NEK11: variants seen among roughly 807,000 people sequenced by gnomAD.
NEK11 encodes NIMA related kinase 11.
NEK11 carries 72 observed loss-of-function variants against 80.7 expected under a neutral mutation model. The observed-to-expected ratio is 0.89, with a 90% CI of 0.74 to 1.08. The LOEUF is 1.08. Among genes scored for constraint, NEK11 ranks in the 50% least tolerant of loss-of-function variants. The pLI is 0.00. For synonymous variants in NEK11, 251 were observed against 260.7 expected (o/e 0.96, Z 0.36); for missense variants, 764 against 763.6 (o/e 1.00, Z -0.01).
At chr3:131,124,506 C>T (rs2082949379) in intron 5 of NEK11, among the ~76,000 whole-genome samples, 1 of 152,108 alleles carries the variant, frequency 6.6e-6, no homozygotes, top group Non-Finnish European at 1.5e-5. Context: ...CCTACACCCC[C>T]CACTTCCTTT....
chr3:131,317,800 G>C (rs114383817), intron 17 of NEK11, among the ~76,000 whole-genome samples: 2,138 of 120,404 alleles, frequency 0.018, 81 homozygotes, highest in African/African-American at 0.058. Flanking sequence ...AGGAGAGAAG[G>C]AGGAGGAGAG....
At chr3:131,049,944 TA>T (rs2068072925) in intron 3 of NEK11, among the ~76,000 whole-genome samples, 2 of 141,376 alleles carry the variant, frequency 1.4e-5, no homozygotes, top group Non-Finnish European at 3.1e-5. Context: ...ATTGGGAAAA[TA>T]AAACAGGTGT....
chr3:131,335,058 C>CA (rs1480444868), intron 17 of NEK11, among the ~76,000 whole-genome samples: 1 of 152,222 alleles, frequency 6.6e-6, no homozygotes, highest in African/African-American at 2.4e-5. Context: ...GAACTGGTGC[C>CA]ATTCCTTCTG....
At chr3:131,031,476 G>C (rs62282222) in intron 3 of NEK11, among the ~76,000 whole-genome samples, 19,609 of 152,140 alleles carry the variant, frequency 0.13, 1,571 homozygotes, top group Non-Finnish European at 0.17. Context: ...TCCAATTTTG[G>C]TTTCTTCAAC....
intron 14 of NEK11, among the ~76,000 whole-genome samples, chr3:131,180,985 C>T (rs548979116): frequency 6.6e-5 from 10 of 152,208 alleles, no homozygotes; most frequent in East Asian, 1.9e-4. Context: ...TGCCAGCTAA[C>T]GAAAGTTACT....
At chr3:131,125,009 A>G (rs1230572551) in intron 5 of NEK11, among the ~76,000 whole-genome samples, 1 of 152,012 alleles carries the variant, frequency 6.6e-6, no homozygotes, top group African/African-American at 2.4e-5. Flanking sequence ...ATGGACCTCA[A>G]GATGAAGTGG....
chr3:131,028,755 C>T (rs1396387635), intron 2 of NEK11, among the ~76,000 whole-genome samples: 3 of 152,014 alleles, frequency 2.0e-5, no homozygotes, highest in Non-Finnish European at 4.4e-5. Context: ...GGGGTTTCAC[C>T]GTGTTAGCCA....
chr3:131,181,745 CAAA>C (rs58463955), intron 14 of NEK11, among the ~76,000 whole-genome samples: 4 of 83,122 alleles, frequency 4.8e-5, no homozygotes, highest in African/African-American at 2.0e-4. Context: ...GACTCCGCCT[CAAA>C]AAAAAAAAAA....
intron 3 of NEK11, among the ~76,000 whole-genome samples, chr3:131,047,841 A>G (rs1208503880): frequency 6.6e-6 from 1 of 152,238 alleles, no homozygotes; most frequent in Non-Finnish European, 1.5e-5. Context: ...TAGAGCTCCC[A>G]GGAGAATATG....
chr3:131,167,671 A>G (rs1247007177), intron 12 of NEK11, among the ~76,000 whole-genome samples: 2 of 152,176 alleles, frequency 1.3e-5, no homozygotes, highest in African/African-American at 2.4e-5. Flanking sequence ...TCTTATGCAT[A>G]TATTACTCCA....
At chr3:131,154,104 G>A (rs552464798) in intron 9 of NEK11, among the ~76,000 whole-genome samples, 8 of 152,200 alleles carry the variant, frequency 5.3e-5, no homozygotes, top group South Asian at 2.1e-4. Context: ...AAGCCCATGC[G>A]GTCATGGGGA....
chr3:131,165,430 A>G lies in NEK11; in HGVS notation c.1087A>G (p.Ile363Val), dbSNP rs752487822. The G allele has an allele frequency of 6.3e-7, 1 of 1,597,070 alleles. No individual in the cohort carries two copies. The highest frequency in any genetic ancestry group is 8.6e-7 in the Non-Finnish European group (1 of 1,164,948). ...ACATTCACTTTAAATTTACAGAAAGATTGTGGAAGAAAAATATGAAGAAAA... is the reference window on the plus strand; with the variant it reads ...ACATTCACTTTAAATTTACAGAAAGGTTGTGGAAGAAAAATATGAAGAAAA... ...ADEKARKLKK[I>V]VEEKYEENSK... Residue 363 changes from isoleucine (I) to valine (V), a missense_variant, in exon 12 of 18, where the codon ATT (isoleucine) becomes GTT (valine). Transcript: ENST00000383366.
At chr3:131,253,230 A>G (rs1454134102) in intron 16 of NEK11, among the ~76,000 whole-genome samples, 1 of 152,154 alleles carries the variant, frequency 6.6e-6, no homozygotes, top group African/African-American at 2.4e-5. Flanking sequence ...GGGAATACCT[A>G]CTAGGTGCTT....
At chr3:131,038,208 G>A (rs1273913878) in intron 3 of NEK11, among the ~76,000 whole-genome samples, 2 of 152,092 alleles carry the variant, frequency 1.3e-5, no homozygotes, top group African/African-American at 4.8e-5. Flanking sequence ...GGTTCCTCTA[G>A]GTAAATATAG....
At chr3:131,148,744 GA>G (rs2088966129) in intron 7 of NEK11, among the ~76,000 whole-genome samples, 2 of 149,060 alleles carry the variant, frequency 1.3e-5, no homozygotes, top group Non-Finnish European at 3.0e-5. Flanking sequence ...GTTTGTTACA[GA>G]TATATATATA....
At chr3:131,051,276 G>A (rs2068366307) in intron 3 of NEK11, among the ~76,000 whole-genome samples, 1 of 152,176 alleles carries the variant, frequency 6.6e-6, no homozygotes. Flanking sequence ...TGGCACTGAG[G>A]AGTGCACATA....
intron 17 of NEK11, among the ~76,000 whole-genome samples, chr3:131,282,755 A>G (rs1186659393): frequency 7.1e-6 from 1 of 140,860 alleles, no homozygotes; most frequent in South Asian, 2.1e-4. Flanking sequence ...CATGATCTTT[A>G]TTGTCCTTCT....
intron 17 of NEK11, among the ~76,000 whole-genome samples, chr3:131,336,757 C>CA (rs983596910): frequency 1.3e-5 from 2 of 151,948 alleles, no homozygotes; most frequent in African/African-American, 4.8e-5. Context: ...ACAATGAACT[C>CA]AAACAAATTT....
At chr3:131,240,743 C>T (rs1250181243) in intron 15 of NEK11, among the ~76,000 whole-genome samples, 1 of 152,106 alleles carries the variant, frequency 6.6e-6, no homozygotes, top group African/African-American at 2.4e-5. Context: ...GAATGAAATA[C>T]AACTGGATAA....
Sources: gnomAD v4.1 joint callset for allele counts (sites outside exome capture counted in the v4.1 genomes callset) on GRCh38, gnomAD v4.1.1 for gene constraint, MANE v1.5 for transcripts, NCBI Gene and HGNC (gene_info 2026-07-23, HGNC 2026-07-21) for gene names.